Variants in GUCY1B1 observed in about 807,000 individuals in gnomAD.
GUCY1B1 encodes guanylate cyclase soluble subunit beta-1.
In GUCY1B1, 43 loss-of-function variants were observed where a neutral mutation model predicts 71.0. That is an observed-to-expected ratio of 0.61 (90% CI 0.47 to 0.78). The LOEUF is 0.78. Ranked by LOEUF, GUCY1B1 falls within the 30% of genes least tolerant of loss-of-function variation. The probability of loss-of-function intolerance (pLI) is 0.00; values close to 1 mark genes in which losing one functional copy is unlikely to be tolerated. For synonymous variants in GUCY1B1, 266 were observed against 259.7 expected (o/e 1.02, Z -0.23); for missense variants, 535 against 754.1 (o/e 0.71, Z 3.40).
At chr4:155,770,491 T>G (rs1268765586) in intron 2 of GUCY1B1, among the ~76,000 whole-genome samples, 1 of 152,220 alleles carries the variant, frequency 6.6e-6, no homozygotes, top group Non-Finnish European at 1.5e-5. Context: ...GCTTGGTTGA[T>G]TCAAAATTTC....
chr4:155,772,999 A>G (rs1040876843), intron 2 of GUCY1B1, among the ~76,000 whole-genome samples: 2 of 152,238 alleles, frequency 1.3e-5, no homozygotes, highest in African/African-American at 4.8e-5. Context: ...CAGCTGTGAT[A>G]GCACAGCTTC....
intron 5 of GUCY1B1, among the ~76,000 whole-genome samples, chr4:155,793,025 G>T (rs1311171013): frequency 6.6e-6 from 1 of 152,088 alleles, no homozygotes; most frequent in Non-Finnish European, 1.5e-5. Context: ...CCCCTCATCA[G>T]TGGTATTTGA....
At chr4:155,796,145 G>A (rs777067012) in intron 7 of GUCY1B1, among the ~76,000 whole-genome samples, 8 of 152,212 alleles carry the variant, frequency 5.3e-5, no homozygotes, top group Non-Finnish European at 8.8e-5. Context: ...TATGTGAAGA[G>A]TAGCACAGTT....
intron 6 of GUCY1B1, among the ~76,000 whole-genome samples, 193 bp downstream of exon 6, chr4:155,794,279 T>G (rs1447227907): frequency 2.6e-5 from 4 of 152,158 alleles, no homozygotes; most frequent in African/African-American, 9.7e-5. Context: ...AGGACAACTA[T>G]TTTTTTATAA....
At chr4:155,806,284 G>C (rs1740306770) in intron 13 of GUCY1B1, 102 bp from the exon 14 acceptor site, 1 of 707,926 alleles carries the variant, frequency 1.4e-6, no homozygotes, top group African/African-American at 1.8e-5. Flanking sequence ...CTGTAGATGT[G>C]AACGTGGATC....
chr4:155,794,170 ACC>A (rs1481193684), intron 6 of GUCY1B1, 84 bp downstream of exon 6: 68 of 723,164 alleles, frequency 9.4e-5, no homozygotes, highest in Non-Finnish European at 3.1e-5. Context: ...CATTCATTTA[ACC>A]CTCTGACTAT....
chr4:155,803,088 G>A (rs1432569950), intron 10 of GUCY1B1, among the ~76,000 whole-genome samples: 1 of 152,188 alleles, frequency 6.6e-6, no homozygotes, highest in Non-Finnish European at 1.5e-5. Flanking sequence ...AAAGAAGTCA[G>A]TGGAATATTG....
At chr4:155,789,629 G>C (rs1311202247) in intron 4 of GUCY1B1, 85 bp from the exon 5 acceptor site, 1 of 755,942 alleles carries the variant, frequency 1.3e-6, no homozygotes, top group Admixed American at 2.4e-5. Flanking sequence ...ACTCCGATTT[G>C]ACTCGTTTTC....
chr4:155,776,420 AG>A (rs1355897328), intron 3 of GUCY1B1, among the ~76,000 whole-genome samples: 27 of 152,218 alleles, frequency 1.8e-4, no homozygotes, highest in Non-Finnish European at 3.7e-4. Flanking sequence ...ACTGATACAC[AG>A]CACTTTGAGA....
intron 4 of GUCY1B1, among the ~76,000 whole-genome samples, chr4:155,787,901 T>C (rs1243415348): frequency 6.6e-6 from 1 of 152,220 alleles, no homozygotes; most frequent in African/African-American, 2.4e-5. Flanking sequence ...AAAGCCATAG[T>C]TTAATTTTGG....
At chr4:155,787,239 G>A (rs1230007739) in intron 4 of GUCY1B1, among the ~76,000 whole-genome samples, 3 of 152,082 alleles carry the variant, frequency 2.0e-5, no homozygotes, top group Non-Finnish European at 4.4e-5. Context: ...GGGTTTGTAG[G>A]TTATATATAC....
intron 2 of GUCY1B1, among the ~76,000 whole-genome samples, chr4:155,767,348 T>TA (rs1367409840): frequency 6.6e-6 from 1 of 152,152 alleles, no homozygotes; most frequent in Non-Finnish European, 1.5e-5. Flanking sequence ...ATTTGTCTGT[T>TA]AAAGCTGCTG....
intron 1 of GUCY1B1, 157 bp from the exon 2 acceptor site, chr4:155,759,630 C>T: frequency 3.6e-6 from 2 of 557,404 alleles, no homozygotes; most frequent in Non-Finnish European, 3.2e-6. Flanking sequence ...CCCCACGATC[C>T]GACTCCTTTA....
At chr4:155,761,781 C>T (rs1313694130) in intron 2 of GUCY1B1, among the ~76,000 whole-genome samples, 2 of 152,182 alleles carry the variant, frequency 1.3e-5, no homozygotes, top group African/African-American at 4.8e-5. Context: ...TAAGTAGCTT[C>T]CAACAGTATT....
At chr4:155,789,556 T>A (rs553352834) in intron 4 of GUCY1B1, among the ~76,000 whole-genome samples, 158 bp from the exon 5 acceptor site, 1 of 152,370 alleles carries the variant, frequency 6.6e-6, no homozygotes, top group South Asian at 2.1e-4. Context: ...GCACTTGCTT[T>A]ACAGATATCT....
chr4:155,799,787 T>C (rs145896084), intron 8 of GUCY1B1, 90 bp from the exon 9 acceptor site: 11 of 660,436 alleles, frequency 1.7e-5, no homozygotes, highest in Non-Finnish European at 2.9e-5. Context: ...TGGTAGGAGG[T>C]GGCAGGATCA....
chr4:155,804,344 A>G (rs1186026628), intron 11 of GUCY1B1, among the ~76,000 whole-genome samples: 1 of 152,130 alleles, frequency 6.6e-6, no homozygotes, highest in Non-Finnish European at 1.5e-5. Flanking sequence ...GGGGAACATC[A>G]CACACCGGGA....
intron 8 of GUCY1B1, among the ~76,000 whole-genome samples, chr4:155,797,877 A>G (rs1739671711): frequency 6.6e-6 from 1 of 151,902 alleles, no homozygotes. Flanking sequence ...TGAGAAATAA[A>G]TATCAGGAAA....
At chr4:155,785,463 G>A (rs1579224800) in intron 4 of GUCY1B1, 1 of 529,014 alleles carries the variant, frequency 1.9e-6, no homozygotes, top group East Asian at 3.1e-5. Context: ...CAGAATATCA[G>A]TTTTGATATG....
Sources: allele counts gnomAD v4.1 joint callset (sites outside exome capture counted in the v4.1 genomes callset), GRCh38; gene constraint gnomAD v4.1.1; transcripts MANE v1.5; gene names NCBI Gene and HGNC (gene_info 2026-07-23, HGNC 2026-07-21).